Variants in LRRC4C observed in about 807,000 individuals in gnomAD.
LRRC4C encodes leucine-rich repeat-containing protein 4C.
In LRRC4C, 5 loss-of-function variants were observed where a neutral mutation model predicts 33.6. The ratio of observed to expected loss-of-function variants is 0.15; its 90% CI spans 0.08 to 0.31. The LOEUF (loss-of-function observed/expected upper bound fraction) is 0.31. LRRC4C is among the 10% of genes least tolerant of loss of function. LRRC4C has a pLI of 1.00. For missense variants in LRRC4C, 560 were observed against 796.7 expected, an observed-to-expected ratio of 0.70 and a Z score of 3.58; for synonymous variants, 329 against 302.0, an observed-to-expected ratio of 1.09 and a Z score of -0.93.
chr11:40,414,084 A>T (rs1258469848), intron 3 of LRRC4C, among the ~76,000 whole-genome samples: 1 of 152,078 alleles, frequency 6.6e-6, no homozygotes, highest in African/African-American at 2.4e-5. Flanking sequence ...TTACATATAA[A>T]ATGTGCCTAT....
At chr11:40,247,182 T>A in intron 4 of LRRC4C, among the ~76,000 whole-genome samples, 1 of 152,186 alleles carries the variant, frequency 6.6e-6, no homozygotes. Flanking sequence ...GGCATCAACA[T>A]TTCAAAAGAC....
At chr11:40,452,562 A>G (rs1181835823) in intron 3 of LRRC4C, among the ~76,000 whole-genome samples, 1 of 152,160 alleles carries the variant, frequency 6.6e-6, no homozygotes, top group African/African-American at 2.4e-5. Flanking sequence ...GAGAAATAGG[A>G]ACACTTTTAC....
chr11:41,023,473 A>G lies in LRRC4C; in HGVS notation c.-495-89750T>C, dbSNP rs551353802. Among the ~76,000 whole-genome samples, 5 of 151,968 alleles carry G rather than the reference A, an allele frequency of 3.3e-5. No individual in the cohort carries two copies. The East Asian group carries it at 9.7e-4, about 29-fold the overall frequency. ...TAAATTATAAAAGTTGAAAAATGAA[A>G]TAAAGCTCTAACAATTAAATGACAT... On this transcript the variant is annotated intron_variant, in intron 1 of 6. Transcript: ENST00000528697.
At chr11:40,783,478 TTTTTA>T (rs1377614999) in intron 2 of LRRC4C, among the ~76,000 whole-genome samples, 1 of 151,772 alleles carries the variant, frequency 6.6e-6, no homozygotes, top group African/African-American at 2.4e-5. Context: ...TCTTTTTTTA[TTTTTA>T]TTTTTAGTAG....
At chr11:40,991,242 C>G (rs537222976) in intron 1 of LRRC4C, among the ~76,000 whole-genome samples, 1 of 142,582 alleles carries the variant, frequency 7.0e-6, no homozygotes, top group Admixed American at 7.1e-5. Context: ...TAATGAGTGA[C>G]AGCATTAATA....
intron 2 of LRRC4C, among the ~76,000 whole-genome samples, chr11:40,859,816 C>T (rs950391644): frequency 9.2e-5 from 14 of 152,284 alleles, no homozygotes; most frequent in African/African-American, 2.6e-4. Flanking sequence ...GTGGCTCACG[C>T]CTGTAATCCC....
intron 1 of LRRC4C, among the ~76,000 whole-genome samples, chr11:41,069,814 T>C (rs1219861251): frequency 6.6e-6 from 1 of 152,132 alleles, no homozygotes; most frequent in Non-Finnish European, 1.5e-5. Flanking sequence ...ATAGGAAGAA[T>C]CAGTATCATG....
intron 2 of LRRC4C, among the ~76,000 whole-genome samples, chr11:40,858,138 TTAAA>T (rs1953893179): frequency 6.6e-6 from 1 of 152,080 alleles, no homozygotes; most frequent in African/African-American, 2.4e-5. Context: ...AGTTCCTCAG[TTAAA>T]TTAATTACAT....
chr11:41,279,958 TC>T (rs1949611124), intron 1 of LRRC4C, among the ~76,000 whole-genome samples: 1 of 152,064 alleles, frequency 6.6e-6, no homozygotes, highest in African/African-American at 2.4e-5. Flanking sequence ...CTCATTATTT[TC>T]CTGATCTCTC....
chr11:40,239,161 C>T (rs1420785519), intron 5 of LRRC4C, among the ~76,000 whole-genome samples: 1 of 152,162 alleles, frequency 6.6e-6, no homozygotes, highest in Non-Finnish European at 1.5e-5. Flanking sequence ...TCTTCCTTTA[C>T]AATGTCTTCC....
intron 1 of LRRC4C, among the ~76,000 whole-genome samples, chr11:40,964,677 A>G (rs1456788335): frequency 1.3e-5 from 2 of 151,754 alleles, no homozygotes; most frequent in Non-Finnish European, 2.9e-5. Context: ...AGTTTCATCC[A>G]TGTCCCTACA....
intron 1 of LRRC4C, among the ~76,000 whole-genome samples, chr11:40,990,789 G>A (rs185734854): frequency 9.9e-5 from 15 of 152,108 alleles, no homozygotes; most frequent in African/African-American, 1.9e-4. Flanking sequence ...TTTTACTGCC[G>A]CAATGAAGGA....
At chr11:41,034,475 G>GTATA (rs544312548) in intron 1 of LRRC4C, among the ~76,000 whole-genome samples, 1 of 142,244 alleles carries the variant, frequency 7.0e-6, no homozygotes, top group Non-Finnish European at 1.5e-5. Context: ...ATATATGTGT[G>GTATA]TATATATATA....
At chr11:41,398,996 T>C (rs569273850) in intron 1 of LRRC4C, among the ~76,000 whole-genome samples, 1 of 152,060 alleles carries the variant, frequency 6.6e-6, no homozygotes, top group Non-Finnish European at 1.5e-5. Context: ...ACAAAATCTC[T>C]GGATTAAGGC....
intron 3 of LRRC4C, among the ~76,000 whole-genome samples, chr11:40,639,282 G>A (rs1306815754): frequency 6.6e-6 from 1 of 152,128 alleles, no homozygotes; most frequent in East Asian, 1.9e-4. Flanking sequence ...ACTTTTACCA[G>A]TAGAATACTG....
intron 2 of LRRC4C, among the ~76,000 whole-genome samples, chr11:40,668,217 G>A (rs948842168): frequency 1.3e-5 from 2 of 152,164 alleles, no homozygotes; most frequent in African/African-American, 4.8e-5. Flanking sequence ...AAAGTTTAGT[G>A]CAGGTACATC....
chr11:41,175,602 A>G (rs555728094), intron 1 of LRRC4C, among the ~76,000 whole-genome samples: 10 of 152,182 alleles, frequency 6.6e-5, no homozygotes, highest in African/African-American at 2.4e-4. Context: ...GAGCAATTCA[A>G]TGGCCACCCT....
chr11:40,894,372 TC>T (rs1236601287), intron 2 of LRRC4C, among the ~76,000 whole-genome samples: 1 of 152,158 alleles, frequency 6.6e-6, no homozygotes, highest in Non-Finnish European at 1.5e-5. Context: ...TGAGGGATGT[TC>T]CAGCGTTAAG....
intron 5 of LRRC4C, among the ~76,000 whole-genome samples, chr11:40,164,881 T>C (rs1247892496): frequency 6.6e-6 from 1 of 152,224 alleles, no homozygotes; most frequent in African/African-American, 2.4e-5. Context: ...GGTACAATTA[T>C]TATGTATCAA....
Sources: gnomAD v4.1 joint callset for allele counts (sites outside exome capture counted in the v4.1 genomes callset) on GRCh38, gnomAD v4.1.1 for gene constraint, MANE v1.5 for transcripts, NCBI Gene and HGNC (gene_info 2026-07-23, HGNC 2026-07-21) for gene names.